Variants in SLC45A2 observed in about 807,000 individuals in gnomAD.
The protein encoded by SLC45A2 is membrane-associated transporter protein.
In SLC45A2, 36 loss-of-function variants were observed where a neutral mutation model predicts 45.5. That is an observed-to-expected ratio of 0.79 (90% CI 0.61 to 1.04). The LOEUF (loss-of-function observed/expected upper bound fraction) is 1.04, where lower values mean the gene tolerates loss of function less well. Ranked by LOEUF, SLC45A2 falls within the 50% of genes least tolerant of loss-of-function variation. SLC45A2 has a pLI of 0.00. For synonymous variants in SLC45A2, 306 were observed against 269.3 expected (o/e 1.14, Z -1.33); for missense variants, 719 against 671.0 (o/e 1.07, Z -0.79).
In SLC45A2 at chr5:33,963,683, A is replaced by G. The variant is rs201038142; in HGVS notation, c.888+8T>C. On this transcript the variant is annotated splice_region_variant and intron_variant, in intron 3 of 6. Transcript: ENST00000296589. ...TTCCCTTGTAAAGAAAAAATGTTGC[A>G]TCTTTACCTGTTCAGCATGATTTTT... 51 of 1,613,244 alleles carry G rather than the reference A, an allele frequency of 3.2e-5. No homozygotes were observed. The highest frequency in any genetic ancestry group is 1.6e-4 in the Middle Eastern group (1 of 6,074).
intron 5 of SLC45A2, among the ~76,000 whole-genome samples, chr5:33,948,750 G>A (rs1363399810): frequency 6.6e-6 from 1 of 152,186 alleles, no homozygotes; most frequent in African/African-American, 2.4e-5. Context: ...GTAATCTAAG[G>A]TGTCTCAATA....
intron 2 of SLC45A2, among the ~76,000 whole-genome samples, chr5:33,977,049 G>A (rs1038457474): frequency 1.3e-5 from 2 of 152,232 alleles, no homozygotes; most frequent in Admixed American, 6.5e-5. Context: ...GAGACTGTAA[G>A]TGTGGAGCCC....
chr5:33,979,692 T>C (rs1258442338), intron 2 of SLC45A2, among the ~76,000 whole-genome samples: 3 of 152,206 alleles, frequency 2.0e-5, no homozygotes, highest in African/African-American at 7.2e-5. Flanking sequence ...AGTTTTAAAG[T>C]CTCTGCTTTA....
At chr5:33,957,348 T>A (rs1752304132) in intron 3 of SLC45A2, among the ~76,000 whole-genome samples, 1 of 152,150 alleles carries the variant, frequency 6.6e-6, no homozygotes, top group Non-Finnish European at 1.5e-5. Context: ...TAACAGCATA[T>A]TTTTTATACT....
chr5:33,960,186 C>T (rs555277372), intron 3 of SLC45A2, among the ~76,000 whole-genome samples: 1 of 152,126 alleles, frequency 6.6e-6, no homozygotes, highest in South Asian at 2.1e-4. Flanking sequence ...AGTGGTTGTA[C>T]AAGTTTATAT....
At position 33,974,150 on chromosome 5, in the gene SLC45A2, G is replaced by A. The variant is rs536773838; in HGVS notation, c.562+8086C>T. The stretch of plus-strand genomic sequence containing the variant: ...TGAGTACCACTCTGTTAGCTCACTC[G>A]GTTCCACAGCCTCAGGTGCACCCAG... On this transcript the variant is annotated intron_variant, in intron 2 of 6. Transcript: ENST00000296589. Among the ~76,000 whole-genome samples the A allele has an allele frequency of 6.6e-5, 10 of 152,322 alleles. No individual in the cohort carries two copies. In the South Asian group the frequency reaches 1.5e-3, roughly 22 times the overall value.
At chr5:33,974,206 G>A (rs976494899) in intron 2 of SLC45A2, among the ~76,000 whole-genome samples, 5 of 152,184 alleles carry the variant, frequency 3.3e-5, no homozygotes, top group Admixed American at 6.5e-5. Context: ...GAGAAGATGC[G>A]GGTGGACCCA....
intron 5 of SLC45A2, among the ~76,000 whole-genome samples, chr5:33,948,078 A>C (rs571072457): frequency 7.7e-4 from 118 of 152,292 alleles, no homozygotes; most frequent in African/African-American, 2.8e-3. Context: ...GGGAATAATA[A>C]AACCATCTTT....
intron 3 of SLC45A2, among the ~76,000 whole-genome samples, chr5:33,959,439 C>T (rs1352309627): frequency 4.6e-5 from 7 of 152,266 alleles, no homozygotes; most frequent in African/African-American, 1.7e-4. Flanking sequence ...AAGTATTCTC[C>T]TCCAGGCAGC....
At chr5:33,959,805 T>G (rs1752393055) in intron 3 of SLC45A2, among the ~76,000 whole-genome samples, 1 of 152,114 alleles carries the variant, frequency 6.6e-6, no homozygotes, top group African/African-American at 2.4e-5. Flanking sequence ...GTGTCGAAGT[T>G]TACTTTTGCA....
Position 33,982,425 on chromosome 5 carries a change from T to C in SLC45A2, c.386-13A>G, listed in dbSNP as rs1411473249. 14 of 1,613,050 alleles carry C rather than the reference T, an allele frequency of 8.7e-6. No homozygotes were observed. The highest frequency in any genetic ancestry group is 1.1e-5 in the Non-Finnish European group (13 of 1,179,306). On this transcript the variant is annotated splice_polypyrimidine_tract_variant and intron_variant, in intron 1 of 6. Coordinates refer to ENST00000296589, the MANE Select transcript of SLC45A2 (RefSeq NM_016180.5). ...TTAGCAATCAAAGCTAAAAGAAAAA[T>C]AAACATTGGTCTCCTAAATCCTGTT...
chr5:33,964,393 T>TA (rs1752543637), intron 2 of SLC45A2, among the ~76,000 whole-genome samples: 2 of 152,342 alleles, frequency 1.3e-5, no homozygotes, highest in East Asian at 3.9e-4. Context: ...GTGCATTCTC[T>TA]AGACTGCTTT....
At chr5:33,959,898 AC>A (rs1168118174) in intron 3 of SLC45A2, among the ~76,000 whole-genome samples, 3 of 152,176 alleles carry the variant, frequency 2.0e-5, no homozygotes, top group Non-Finnish European at 4.4e-5. Context: ...AACTACTTAC[AC>A]ACTTTTATAA....
chr5:33,977,728 C>T (rs1320757098), intron 2 of SLC45A2, among the ~76,000 whole-genome samples: 1 of 152,112 alleles, frequency 6.6e-6, no homozygotes, highest in African/African-American at 2.4e-5. Context: ...AACAGACCTG[C>T]CCGCTGCTCC....
chr5:33,946,992 G>T (rs1579531711), intron 6 of SLC45A2, 171 bp downstream of exon 6: 1 of 1,563,810 alleles, frequency 6.4e-7, no homozygotes, highest in Non-Finnish European at 8.6e-7. Context: ...GCTGGGCTGG[G>T]CTGGTGAGCA....
chr5:33,975,378 C>G (rs941742864), intron 2 of SLC45A2, among the ~76,000 whole-genome samples: 6 of 152,128 alleles, frequency 3.9e-5, no homozygotes, highest in African/African-American at 1.4e-4. Flanking sequence ...GCAGGTAAAC[C>G]CTCATGGGAG....
chr5:33,971,576 C>G (rs1224474154), intron 2 of SLC45A2, among the ~76,000 whole-genome samples: 2 of 152,118 alleles, frequency 1.3e-5, no homozygotes, highest in African/African-American at 4.8e-5. Flanking sequence ...GTGGCTCAGA[C>G]CACAGGTGTG....
chr5:33,959,632 G>T (rs953287282), intron 3 of SLC45A2, among the ~76,000 whole-genome samples: 3 of 152,156 alleles, frequency 2.0e-5, no homozygotes, highest in Non-Finnish European at 4.4e-5. Context: ...GTTGGAATCA[G>T]ATGAATAGAT....
At chr5:33,951,399 T>C in intron 5 of SLC45A2, 155 bp downstream of exon 5, 1 of 1,562,998 alleles carries the variant, frequency 6.4e-7, no homozygotes, top group Admixed American at 1.8e-5. Flanking sequence ...ATGCTTTATA[T>C]GGTCCTTTTT....
Sources: gnomAD v4.1 joint callset for allele counts (sites outside exome capture counted in the v4.1 genomes callset) on GRCh38, gnomAD v4.1.1 for gene constraint, MANE v1.5 for transcripts, NCBI Gene and HGNC (gene_info 2026-07-23, HGNC 2026-07-21) for gene names.